Variants in ZDHHC2 observed in about 807,000 individuals in gnomAD.
ZDHHC2 encodes zDHHC palmitoyltransferase 2.
Under a neutral mutation model 55.6 loss-of-function variants are expected in ZDHHC2, and 51 were observed. The ratio of observed to expected loss-of-function variants is 0.92; its 90% confidence interval spans 0.73 to 1.16. ZDHHC2 has a LOEUF of 1.16. Ranked by LOEUF, ZDHHC2 falls within the 50% of genes most tolerant of loss-of-function variation. ZDHHC2 has a pLI of 0.00. For missense variants in ZDHHC2, 491 were observed against 442.4 expected (o/e 1.11, Z -0.99); for synonymous variants, 199 against 152.9 (o/e 1.30, Z -2.22).
rs1438622555 is a variant in ZDHHC2 at position 17,195,449 on chromosome 8, C to CAAT, written c.253-53_253-51dup. 8 of 1,547,418 alleles carry CAAT rather than the reference C, an allele frequency of 5.2e-6. No homozygotes were observed. In the East Asian group the frequency reaches 1.7e-4, roughly 32 times the overall value. ...CTTTTCCGGGTATGGTAGAGAAGAC[C>CAAT]AATATGTTATAATTTCTTTGAAAAT... On this transcript the variant is annotated intron_variant, in intron 3 of 12. Coordinates refer to ENST00000262096, the MANE Select transcript of ZDHHC2 (RefSeq NM_016353.5).
At chr8:17,190,838 A>G (rs1332028847) in intron 3 of ZDHHC2, among the ~76,000 whole-genome samples, 6 of 150,258 alleles carry the variant, frequency 4.0e-5, no homozygotes, top group African/African-American at 4.9e-5. Flanking sequence ...AAGCATTTGT[A>G]TTTTGTGTTA....
At chr8:17,190,754 G>A (rs1805981788) in intron 3 of ZDHHC2, among the ~76,000 whole-genome samples, 1 of 151,826 alleles carries the variant, frequency 6.6e-6, no homozygotes, top group Admixed American at 6.6e-5. Context: ...TATTTATGGG[G>A]TACCTGAGGT....
intron 10 of ZDHHC2, among the ~76,000 whole-genome samples, chr8:17,211,938 A>G (rs1249424851): frequency 6.6e-6 from 1 of 152,158 alleles, no homozygotes; most frequent in Non-Finnish European, 1.5e-5. Context: ...ATTCAGTAGT[A>G]GTTTATAATA....
chr8:17,219,029 A>C (rs1321663381), intron 12 of ZDHHC2, among the ~76,000 whole-genome samples: 2 of 151,762 alleles, frequency 1.3e-5, no homozygotes, highest in East Asian at 3.9e-4. Context: ...AGATGGGTGG[A>C]TCACAATGTC....
intron 6 of ZDHHC2, among the ~76,000 whole-genome samples, chr8:17,199,537 TTC>T (rs1276908222): frequency 1.1e-4 from 6 of 53,252 alleles, no homozygotes; most frequent in Non-Finnish European, 1.7e-4. Context: ...GTCTTCTGTC[TTC>T]GTCTTCTGTC....
intron 6 of ZDHHC2, among the ~76,000 whole-genome samples, chr8:17,199,744 T>C (rs368228453): frequency 6.7e-6 from 1 of 149,310 alleles, no homozygotes; most frequent in Non-Finnish European, 1.5e-5. Context: ...TCCTTCTTCG[T>C]CCTTCTTCTT....
intron 1 of ZDHHC2, among the ~76,000 whole-genome samples, chr8:17,177,752 T>TTGTG (rs10570051): frequency 0.037 from 5,477 of 148,794 alleles, 140 homozygotes; most frequent in Non-Finnish European, 0.053. Flanking sequence ...TTTGGGGTGT[T>TTGTG]TGTGTGTGTG....
chr8:17,173,690 AAAG>A (rs1345512656), intron 1 of ZDHHC2, among the ~76,000 whole-genome samples: 51 of 151,140 alleles, frequency 3.4e-4, no homozygotes, highest in East Asian at 2.0e-3. Context: ...TTAAAAAAAA[AAAG>A]AAAGAAAGAA....
intron 1 of ZDHHC2, among the ~76,000 whole-genome samples, chr8:17,173,970 A>G (rs971422414): frequency 6.6e-6 from 1 of 152,204 alleles, no homozygotes; most frequent in Non-Finnish European, 1.5e-5. Flanking sequence ...ACAGAGAGGC[A>G]TCGAGGGAAA....
chr8:17,158,112 CTGT>C (rs904092189), intron 1 of ZDHHC2, among the ~76,000 whole-genome samples: 3 of 151,944 alleles, frequency 2.0e-5, no homozygotes, highest in Non-Finnish European at 2.9e-5. Context: ...AACCTTGAGT[CTGT>C]TGTTGGGAAA....
chr8:17,179,308 G>A (rs980615475), intron 1 of ZDHHC2, among the ~76,000 whole-genome samples: 4 of 152,142 alleles, frequency 2.6e-5, no homozygotes, highest in African/African-American at 9.7e-5. Flanking sequence ...AGCGTAAAGC[G>A]CAGCCAGATA....
At chr8:17,207,211 A>G (rs1387557519) in intron 7 of ZDHHC2, among the ~76,000 whole-genome samples, 1 of 152,224 alleles carries the variant, frequency 6.6e-6, no homozygotes, top group African/African-American at 2.4e-5. Flanking sequence ...ATTTATCAGA[A>G]GAGACACCTC....
rs1807323450 is a variant in ZDHHC2 at position 17,210,489 on chromosome 8, A to G, written c.950+9A>G. Reference sequence around the variant, plus strand: ...AATTCCACAGCTAAAAAGTAATCTCATATTTTTTTTCATTTTACTTTCAAA... The same window carrying G: ...AATTCCACAGCTAAAAAGTAATCTCGTATTTTTTTTCATTTTACTTTCAAA... On this transcript the variant is annotated intron_variant, in intron 10 of 12. Transcript: ENST00000262096. The G allele has an allele frequency of 8.2e-6, 13 of 1,588,488 alleles. No individual in the cohort carries two copies. Among genetic ancestry groups the G allele is most frequent in the Non-Finnish European group, 1.1e-5 (13 of 1,166,416 alleles).
chr8:17,205,383 G>A (rs778858244), intron 6 of ZDHHC2, among the ~76,000 whole-genome samples: 4 of 152,190 alleles, frequency 2.6e-5, no homozygotes, highest in African/African-American at 9.7e-5. Context: ...GTGCTTTGAG[G>A]GATGTGCATA....
chr8:17,178,098 A>T (rs1306275383), intron 1 of ZDHHC2, among the ~76,000 whole-genome samples: 19 of 152,196 alleles, frequency 1.2e-4, no homozygotes, highest in Admixed American at 1.2e-3. Flanking sequence ...GCACACAAGT[A>T]GCCATGTAAG....
At chr8:17,203,867 G>A (rs991257316) in intron 6 of ZDHHC2, among the ~76,000 whole-genome samples, 2 of 149,584 alleles carry the variant, frequency 1.3e-5, no homozygotes, top group African/African-American at 4.9e-5. Flanking sequence ...GAGTGCAGTG[G>A]CGCAATCTCA....
At position 17,199,465 on chromosome 8, in the gene ZDHHC2, A is replaced by ACTTCTTCTT. The variant is rs377014817; in HGVS notation, c.476+1093_476+1101dup. On this transcript the variant is annotated intron_variant, in intron 6 of 12. Transcript: ENST00000262096. ...CCTCTCCCCCAGTGTCTTTAATAAG[A>ACTTCTTCTT]CTTCTTCTTCTTCTTCTTCTTCTTC... Among the ~76,000 whole-genome samples the ACTTCTTCTT allele has an allele frequency of 1.4e-3, 141 of 98,548 alleles. 3 individuals are homozygous for ACTTCTTCTT. Among genetic ancestry groups the ACTTCTTCTT allele is most frequent in the African/African-American group, 3.0e-3 (76 of 25,138 alleles). 64.7% of individuals were successfully genotyped at this position (98,548 alleles called of 152,430 possible).
At position 17,210,402 on chromosome 8, in the gene ZDHHC2, G is replaced by T. The variant is rs201745513; in HGVS notation, c.872G>T (p.Cys291Phe). The T allele has an allele frequency of 1.2e-6, 2 of 1,613,112 alleles. No homozygotes were observed. Among genetic ancestry groups the T allele is most frequent in the Admixed American group, 3.3e-5 (2 of 59,882 alleles). Reference protein sequence around the residue: ...LPIFSSLGDGCSFPTCLVNQD... With the variant: ...LPIFSSLGDGFSFPTCLVNQD... ...TTTAATTCTAGTCTAGGTGATGGCT[G>T]CTCCTTTCCAACTTGCCTTGTTAAC... Residue 291 changes from cysteine (C) to phenylalanine (F), a missense_variant, in exon 10 of 13, where the codon TGC (cysteine) becomes TTC (phenylalanine). By Grantham distance (205) the Cys-to-Phe change is radical. Transcript: ENST00000262096.
chr8:17,162,943 T>G (rs903607509), intron 1 of ZDHHC2: 2 of 152,212 alleles, frequency 1.3e-5, no homozygotes, highest in Non-Finnish European at 2.9e-5. Context: ...ATATATTTAG[T>G]GGTTGACATA....
Sources: allele counts gnomAD v4.1 joint callset (sites outside exome capture counted in the v4.1 genomes callset), GRCh38; gene constraint gnomAD v4.1.1; transcripts MANE v1.5; gene names NCBI Gene and HGNC (gene_info 2026-07-23, HGNC 2026-07-21).